Variants in SUMF1 observed in about 807,000 individuals in gnomAD.
The protein encoded by SUMF1 is sulfatase modifying factor 1.
A neutral mutation model predicts 47.6 loss-of-function variants in SUMF1; 48 were observed. The observed-to-expected ratio is 1.01, with a 90% confidence interval of 0.80 to 1.28. The LOEUF (loss-of-function observed/expected upper bound fraction) is 1.28. Among genes scored for constraint, SUMF1 ranks in the 50% most tolerant of loss-of-function variants. SUMF1 has a pLI of 0.00. For synonymous variants in SUMF1, 230 were observed against 192.1 expected (o/e 1.20, Z -1.63); for missense variants, 571 against 485.4 (o/e 1.18, Z -1.66).
intron 7 of SUMF1, among the ~76,000 whole-genome samples, chr3:4,404,383 T>C (rs1240443353): frequency 2.0e-5 from 3 of 152,222 alleles, no homozygotes; most frequent in Non-Finnish European, 4.4e-5. Context: ...ATTATCACTT[T>C]CGTGCTTTTT....
chr3:4,356,143 T>C (rs1699612810), intron 8 of SUMF1, among the ~76,000 whole-genome samples: 1 of 152,204 alleles, frequency 6.6e-6, no homozygotes, highest in Non-Finnish European at 1.5e-5. Flanking sequence ...ATAATTTCCA[T>C]GGTGTTTTAA....
At chr3:4,160,169 C>A (rs561523044) in intron 8 of SUMF1, among the ~76,000 whole-genome samples, 1 of 152,192 alleles carries the variant, frequency 6.6e-6, no homozygotes, top group African/African-American at 2.4e-5. Flanking sequence ...TCTCTACCTC[C>A]TCTTTAAGGC....
intron 7 of SUMF1, among the ~76,000 whole-genome samples, chr3:4,403,582 A>G (rs1701282363): frequency 6.6e-6 from 1 of 152,188 alleles, no homozygotes; most frequent in Non-Finnish European, 1.5e-5. Flanking sequence ...GTTCTTAGGT[A>G]TCTGAAGAGC....
chr3:4,190,741 T>G (rs906355154), intron 8 of SUMF1, among the ~76,000 whole-genome samples: 1 of 152,134 alleles, frequency 6.6e-6, no homozygotes, highest in African/African-American at 2.4e-5. Flanking sequence ...TTACTGACTT[T>G]CATACCCTGT....
At chr3:4,343,241 G>C (rs559136079) in intron 8 of SUMF1, among the ~76,000 whole-genome samples, 2 of 152,298 alleles carry the variant, frequency 1.3e-5, no homozygotes, top group Middle Eastern at 3.4e-3. Context: ...ACTTTCACGA[G>C]TAAGTGAGGT....
At chr3:4,175,115 C>T (rs1051425979) in intron 8 of SUMF1, among the ~76,000 whole-genome samples, 1 of 152,190 alleles carries the variant, frequency 6.6e-6, no homozygotes, top group South Asian at 2.1e-4. Flanking sequence ...CATAGCTGAA[C>T]AAAAGAAAGC....
intron 8 of SUMF1, among the ~76,000 whole-genome samples, chr3:4,279,540 T>C (rs1012715151): frequency 1.3e-5 from 2 of 152,066 alleles, no homozygotes; most frequent in African/African-American, 4.8e-5. Flanking sequence ...TTACAAATAG[T>C]AGGCGCTATG....
intron 8 of SUMF1, among the ~76,000 whole-genome samples, chr3:4,115,623 C>A (rs950978727): frequency 5.9e-5 from 9 of 152,088 alleles, no homozygotes; most frequent in Admixed American, 3.9e-4. Context: ...CCGCATCGCA[C>A]CCTCTGCGAG....
At chr3:4,325,346 C>G (rs1698919667) in intron 8 of SUMF1, among the ~76,000 whole-genome samples, 1 of 151,592 alleles carries the variant, frequency 6.6e-6, no homozygotes, top group South Asian at 2.1e-4. Context: ...AAGTCTCATA[C>G]CCCACAGAGA....
intron 8 of SUMF1, among the ~76,000 whole-genome samples, chr3:4,142,476 G>A (rs1214395494): frequency 6.6e-6 from 1 of 152,030 alleles, no homozygotes; most frequent in African/African-American, 2.4e-5. Context: ...CATATATTTT[G>A]TAATCCTTAA....
intron 7 of SUMF1, among the ~76,000 whole-genome samples, chr3:4,389,725 C>G (rs575294868): frequency 1.3e-5 from 2 of 152,136 alleles, no homozygotes; most frequent in South Asian, 2.1e-4. Flanking sequence ...ATTTTTCCCC[C>G]CTCTGTGCCC....
intron 3 of SUMF1, among the ~76,000 whole-genome samples, chr3:4,438,494 G>A (rs1255744816): frequency 6.6e-6 from 1 of 152,146 alleles, no homozygotes; most frequent in African/African-American, 2.4e-5. Context: ...TCCCCCAGGT[G>A]ATGTCTGATC....
At chr3:4,456,917 T>TGTGTGTGTATATATAC (rs1338049232) in intron 1 of SUMF1, among the ~76,000 whole-genome samples, 13 of 129,692 alleles carry the variant, frequency 1.0e-4, no homozygotes, top group South Asian at 2.5e-4. Flanking sequence ...TCTATATACG[T>TGTGTGTGTATATATAC]GTGTGTGTAT....
At chr3:4,080,849 G>C (rs1407843166) in intron 8 of SUMF1, among the ~76,000 whole-genome samples, 4 of 152,154 alleles carry the variant, frequency 2.6e-5, no homozygotes, top group Non-Finnish European at 1.5e-5. Context: ...TTTCAAAGAA[G>C]TATAACACAC....
rs541632735 is a variant in SUMF1, at chr3:4,150,725, C to G, written c.1015-81980G>C. Among the ~76,000 whole-genome samples the G allele has an allele frequency of 3.3e-5, 5 of 151,654 alleles. No homozygotes were observed. The East Asian group carries it at 7.7e-4, about 23-fold the overall frequency. Reference sequence around the variant, plus strand: ...ATAAGAAAAAGAAGCAACAGTGATACCACTATGAAAAGATGCACTGGGAAG... The same window carrying G: ...ATAAGAAAAAGAAGCAACAGTGATAGCACTATGAAAAGATGCACTGGGAAG... On this transcript the variant is annotated intron_variant and NMD_transcript_variant, in intron 8 of 12. Transcript: ENST00000448413.
In SUMF1 at chr3:4,457,063, T is replaced by C. The variant is rs1327295135; in HGVS notation, c.271-4014A>G. ...GTATATATATATACGTGTGTGTATATATATATATATACGTGTGTGTATATA... is the reference window on the plus strand; with the variant it reads ...GTATATATATATACGTGTGTGTATACATATATATATACGTGTGTGTATATA... On this transcript the variant is annotated intron_variant, in intron 1 of 8. Coordinates refer to ENST00000272902, the MANE Select transcript of SUMF1 (RefSeq NM_182760.4). 4.0e-5 allele frequency among the ~76,000 whole-genome samples: 4 copies of C among 99,444 alleles called. 1 individual carries two copies. The highest frequency in any genetic ancestry group is 8.6e-5 in the Non-Finnish European group (3 of 34,894). 65.2% of individuals were successfully genotyped at this position (99,444 alleles called of 152,430 possible). A position where few individuals can be genotyped will look rare whatever the true frequency, so the allele number is the denominator to read the frequency against.
chr3:4,289,695 C>A (rs542674554), intron 8 of SUMF1, among the ~76,000 whole-genome samples: 1 of 152,122 alleles, frequency 6.6e-6, no homozygotes, highest in East Asian at 1.9e-4. Context: ...AACCCATTTT[C>A]TTTGTTGCTA....
intron 8 of SUMF1, among the ~76,000 whole-genome samples, chr3:4,187,373 A>T (rs1574962269): frequency 6.6e-6 from 1 of 152,318 alleles, no homozygotes; most frequent in Middle Eastern, 3.4e-3. Context: ...TGTCTATAAA[A>T]AAAAGAAAAA....
chr3:4,264,456 A>T (rs765964440), intron 8 of SUMF1, among the ~76,000 whole-genome samples: 17 of 152,200 alleles, frequency 1.1e-4, no homozygotes, highest in Non-Finnish European at 1.5e-4. Context: ...GGAGTGATGA[A>T]CATTTCATGA....
Sources: allele counts gnomAD v4.1 joint callset (sites outside exome capture counted in the v4.1 genomes callset), GRCh38; gene constraint gnomAD v4.1.1; transcripts MANE v1.5; gene names NCBI Gene and HGNC (gene_info 2026-07-23, HGNC 2026-07-21).